The following OR7E24 variants were observed in gnomAD, a reference collection of about 807,000 sequenced individuals.
OR7E24 encodes the protein olfactory receptor family 7 subfamily E member 24, also known as olfactory receptor 7E24.
For missense variants in OR7E24, 385 were observed against 410.3 expected (o/e 0.94, Z 0.53); for synonymous variants, 130 against 157.5 (o/e 0.83, Z 1.31).
chr19:9,244,321 C>T (rs980395987), upstream of OR7E24, among the ~76,000 whole-genome samples: 1 of 152,268 alleles, frequency 6.6e-6, no homozygotes. Flanking sequence ...GGAATTAAAA[C>T]AGTGTGGTAC....
chr19:9,215,364 A>C, the OR7E24 span, among the ~76,000 whole-genome samples: 8 of 145,474 alleles, frequency 5.5e-5, no homozygotes, highest in Admixed American at 4.1e-4. Flanking sequence ...AAAAAAAAAA[A>C]ACCTCTTTTT....
chr19:9,227,734 G>A, the OR7E24 span, among the ~76,000 whole-genome samples: 5 of 150,978 alleles, frequency 3.3e-5, no homozygotes, highest in African/African-American at 1.2e-4. Context: ...GGGATTGCTG[G>A]GTAGAATGGT....
chr19:9,244,879 A>T (rs1253120954), upstream of OR7E24, among the ~76,000 whole-genome samples: 3 of 152,154 alleles, frequency 2.0e-5, no homozygotes, highest in Admixed American at 2.0e-4. Flanking sequence ...AAGAACTCCT[A>T]CAACTCAGCA....
upstream of OR7E24, among the ~76,000 whole-genome samples, chr19:9,246,968 T>C (rs940159322): frequency 6.6e-6 from 1 of 152,196 alleles, no homozygotes; most frequent in Non-Finnish European, 1.5e-5. Context: ...TTCATGCCAC[T>C]GAGCTATATA....
the OR7E24 span, among the ~76,000 whole-genome samples, chr19:9,236,905 T>C: frequency 6.6e-6 from 1 of 152,232 alleles, no homozygotes; most frequent in Non-Finnish European, 1.5e-5. Context: ...CTCTGCTTAC[T>C]AGTTTACATC....
chr19:9,243,927 G>A (rs1255225287), upstream of OR7E24, among the ~76,000 whole-genome samples: 3 of 152,160 alleles, frequency 2.0e-5, no homozygotes, highest in African/African-American at 2.4e-5. Flanking sequence ...CTCCTCCCGG[G>A]AGAGTCCCTC....
At chr19:9,234,786 T>G in the OR7E24 span, among the ~76,000 whole-genome samples, 1 of 152,118 alleles carries the variant, frequency 6.6e-6, no homozygotes, top group Admixed American at 6.5e-5. Context: ...ATTGCCTGAG[T>G]TGAAAATGCG....
At chr19:9,225,220 A>T in the OR7E24 span, among the ~76,000 whole-genome samples, 2 of 152,002 alleles carry the variant, frequency 1.3e-5, no homozygotes, top group African/African-American at 4.8e-5. Flanking sequence ...ACTAAAAAAA[A>T]TTAGCCAGAT....
At chr19:9,235,548 C>A in the OR7E24 span, 1 of 1,550,566 alleles carries the variant, frequency 6.4e-7, no homozygotes. Context: ...ACATGGTCAT[C>A]ATAAACCCCC....
At chr19:9,217,721 TAG>T in the OR7E24 span, among the ~76,000 whole-genome samples, 1 of 152,142 alleles carries the variant, frequency 6.6e-6, no homozygotes, top group Non-Finnish European at 1.5e-5. Flanking sequence ...TTATTTTTAG[TAG>T]AGACAGGGTT....
the OR7E24 span, chr19:9,235,528 C>T: frequency 1.3e-6 from 2 of 1,545,070 alleles, no homozygotes; most frequent in Admixed American, 1.7e-5. Flanking sequence ...CATCTGCCAC[C>T]CACTGCAGTA....
At position 9,251,909 on chromosome 19, in the gene OR7E24, G is replaced by C; in HGVS notation, c.866G>C (p.Ser289Thr). The change falls in exon 1 of 1, where the codon AGT becomes ACT. Residue 289 changes from serine to threonine, a missense_variant. Transcript: ENST00000456448. ...GCTGTGTTACCATCCCCCAGGAAGAGTATGGTGGCTTCAGTGATGTACACT... is the reference window on the plus strand; with the variant it reads ...GCTGTGTTACCATCCCCCAGGAAGACTATGGTGGCTTCAGTGATGTACACT... Reference protein sequence around the residue: ...SSAVLPSPRKSMVASVMYTVV... With the variant: ...SSAVLPSPRKTMVASVMYTVV... The C allele has an allele frequency of 4.3e-6, 7 of 1,614,160 alleles. No homozygotes were observed. The highest frequency in any genetic ancestry group is 5.9e-6 in the Non-Finnish European group (7 of 1,180,026).
the OR7E24 span, chr19:9,235,524 C>T: frequency 3.9e-6 from 6 of 1,551,444 alleles, no homozygotes; most frequent in South Asian, 5.6e-5. Context: ...TGGCCATCTG[C>T]CACCCACTGC....
chr19:9,227,709 T>A, the OR7E24 span, among the ~76,000 whole-genome samples: 4 of 151,960 alleles, frequency 2.6e-5, no homozygotes, highest in African/African-American at 9.6e-5. Context: ...TTCCTCTGGG[T>A]ATATACCCAG....
chr19:9,220,637 G>A, the OR7E24 span, among the ~76,000 whole-genome samples: 3 of 152,146 alleles, frequency 2.0e-5, no homozygotes, highest in Non-Finnish European at 2.9e-5. Flanking sequence ...GGTTGATTCT[G>A]TGTCTTGGCT....
At chr19:9,219,135 T>TC in the OR7E24 span, 1 of 152,090 alleles carries the variant, frequency 6.6e-6, no homozygotes, top group Non-Finnish European at 1.5e-5. Context: ...TAACCAATAA[T>TC]CTGCCAGGAA....
At chr19:9,227,777 G>A in the OR7E24 span, among the ~76,000 whole-genome samples, 103 of 124,868 alleles carry the variant, frequency 8.2e-4, no homozygotes, top group Non-Finnish European at 1.3e-3. Flanking sequence ...TTTTTGAGAC[G>A]GAGTCTCGCT....
At chr19:9,221,631 G>C in the OR7E24 span, among the ~76,000 whole-genome samples, 1 of 151,962 alleles carries the variant, frequency 6.6e-6, no homozygotes, top group Non-Finnish European at 1.5e-5. Flanking sequence ...GATTACAGGC[G>C]TGAGCCACCG....
At chr19:9,247,531 G>C, upstream of OR7E24, 1 of 398,744 alleles carries the variant, frequency 2.5e-6, no homozygotes, top group Non-Finnish European at 4.4e-6. Flanking sequence ...AGTGCTGAGG[G>C]ACGGTTGGGA....
Sources: gnomAD v4.1 joint callset for allele counts (sites outside exome capture counted in the v4.1 genomes callset) on GRCh38, gnomAD v4.1.1 for gene constraint, MANE v1.5 for transcripts, NCBI Gene and HGNC (gene_info 2026-07-23, HGNC 2026-07-21) for gene names.